The following ASTN2 variants were observed in gnomAD, a reference collection of about 807,000 sequenced individuals.
The protein encoded by ASTN2 is astrotactin 2.
In ASTN2, 54 loss-of-function variants were observed where a neutral mutation model predicts 139.8. The ratio of observed to expected loss-of-function variants is 0.39; its 90% CI spans 0.31 to 0.48. The LOEUF (loss-of-function observed/expected upper bound fraction) is 0.48, where lower values mean the gene tolerates loss of function less well. Ranked by LOEUF, ASTN2 falls within the 20% of genes least tolerant of loss-of-function variation. ASTN2 has a pLI of 0.95. For missense variants in ASTN2, 1,565 were observed against 1,725.1 expected (o/e 0.91, Z 1.64); for synonymous variants, 756 against 719.5 (o/e 1.05, Z -0.81).
intron 13 of ASTN2, among the ~76,000 whole-genome samples, chr9:116,751,266 C>T (rs1173880961): frequency 6.6e-6 from 1 of 152,168 alleles, no homozygotes; most frequent in African/African-American, 2.4e-5. Flanking sequence ...GTAAAAGGAA[C>T]AATAACTATA....
chr9:116,609,108 C>A (rs147914087), intron 19 of ASTN2, among the ~76,000 whole-genome samples: 228 of 151,834 alleles, frequency 1.5e-3, no homozygotes, highest in Non-Finnish European at 2.7e-3. Context: ...CTTAAAGTGA[C>A]TGAATATACA....
At position 116,976,681 on chromosome 9, in the gene ASTN2, T is replaced by C. The variant is rs752428797; in HGVS notation, c.1676+20A>G. The C allele has an allele frequency of 6.8e-6, 11 of 1,612,964 alleles. No homozygotes were observed. Among genetic ancestry groups the C allele is most frequent in the Non-Finnish European group, 9.3e-6 (11 of 1,179,032 alleles). ...AGTGGGTCCTGCACTGTCCTGGACC[T>C]GATGCCCTTTGCCACTCACCCTTCA... is the stretch of plus-strand genomic sequence containing the variant. On this transcript the variant is annotated intron_variant, in intron 8 of 22. Coordinates refer to ENST00000313400, the MANE Select transcript of ASTN2 (RefSeq NM_001365068.1).
At chr9:117,403,215 A>G (rs978664120) in intron 1 of ASTN2, among the ~76,000 whole-genome samples, 2 of 152,194 alleles carry the variant, frequency 1.3e-5, no homozygotes, top group African/African-American at 4.8e-5. Flanking sequence ...TAACTTGAGG[A>G]AAGCCTGGGT....
rs1448974459 is a variant in ASTN2 at position 116,423,891 on chromosome 9, G to T, written c.*1960C>A. Among the ~76,000 whole-genome samples, 1 of 152,088 alleles carries T rather than the reference G, an allele frequency of 6.6e-6. No homozygotes were observed. The highest frequency in any genetic ancestry group is 6.5e-5 in the Admixed American group (1 of 15,272). Reference sequence around the variant, plus strand: ...TTTGCCAAATTGAGAAGTAGGCATGGTTTTTTTCTTTTTTACTCACCACTA... The same window carrying T: ...TTTGCCAAATTGAGAAGTAGGCATGTTTTTTTTCTTTTTTACTCACCACTA... On this transcript the variant is annotated 3_prime_UTR_variant, in exon 23 of 23. Coordinates refer to ENST00000313400, the MANE Select transcript of ASTN2 (RefSeq NM_001365068.1).
intron 19 of ASTN2, among the ~76,000 whole-genome samples, chr9:116,537,282 C>A (rs984565235): frequency 6.6e-6 from 1 of 152,140 alleles, no homozygotes; most frequent in Non-Finnish European, 1.5e-5. Context: ...TCTTGGAACC[C>A]AAATTTCTAT....
intron 11 of ASTN2, among the ~76,000 whole-genome samples, chr9:116,849,473 C>T (rs1832530900): frequency 6.6e-6 from 1 of 152,096 alleles, no homozygotes; most frequent in Admixed American, 6.5e-5. Context: ...AAGTTATATG[C>T]CCAGAAACAG....
chr9:116,682,094 C>CA (rs921225085), intron 16 of ASTN2, among the ~76,000 whole-genome samples: 1 of 151,678 alleles, frequency 6.6e-6, no homozygotes, highest in African/African-American at 2.4e-5. Flanking sequence ...AGGCAACCTA[C>CA]AAAATGGGAG....
intron 21 of ASTN2, among the ~76,000 whole-genome samples, chr9:116,441,501 A>G (rs1847838741): frequency 6.6e-6 from 1 of 151,870 alleles, no homozygotes; most frequent in Admixed American, 6.6e-5. Flanking sequence ...TTCTACTCTG[A>G]TTTTTATTTG....
intron 19 of ASTN2, among the ~76,000 whole-genome samples, chr9:116,487,816 T>A (rs955004555): frequency 6.6e-6 from 1 of 152,152 alleles, no homozygotes; most frequent in African/African-American, 2.4e-5. Context: ...TATGCTTTTT[T>A]TTTTCTGTAA....
chr9:116,684,101 G>A (rs909451178), intron 16 of ASTN2, among the ~76,000 whole-genome samples: 1 of 152,160 alleles, frequency 6.6e-6, no homozygotes, highest in African/African-American at 2.4e-5. Context: ...CTTGAGAAGA[G>A]AGGAATTTAC....
At chr9:116,700,999 G>C (rs932164189) in intron 16 of ASTN2, 2 of 167,082 alleles carry the variant, frequency 1.2e-5, no homozygotes, top group Non-Finnish European at 2.9e-5. Context: ...AGCTTCTGCT[G>C]TATGTTTTAT....
intron 12 of ASTN2, among the ~76,000 whole-genome samples, chr9:116,814,205 T>A (rs1289921094): frequency 6.6e-6 from 1 of 152,118 alleles, no homozygotes; most frequent in East Asian, 1.9e-4. Context: ...TGCAGAAACC[T>A]GTGAAAACCC....
chr9:117,309,279 C>T (rs1366732814), intron 1 of ASTN2, among the ~76,000 whole-genome samples: 1 of 152,220 alleles, frequency 6.6e-6, no homozygotes, highest in Non-Finnish European at 1.5e-5. Context: ...GCTGCATCTA[C>T]TACTTATGGT....
intron 20 of ASTN2, among the ~76,000 whole-genome samples, chr9:116,481,624 T>C (rs762410819): frequency 1.3e-5 from 2 of 152,110 alleles, no homozygotes; most frequent in Admixed American, 1.3e-4. Flanking sequence ...CTTATGAAAA[T>C]GTTGAAGTGA....
chr9:116,468,012 G>A (rs1848702854), intron 20 of ASTN2, among the ~76,000 whole-genome samples: 1 of 152,132 alleles, frequency 6.6e-6, no homozygotes, highest in Admixed American at 6.5e-5. Context: ...TCCAGGCTCT[G>A]GGAAAGACCC....
intron 5 of ASTN2, among the ~76,000 whole-genome samples, chr9:117,063,048 G>A (rs1329100916): frequency 6.6e-6 from 1 of 152,154 alleles, no homozygotes; most frequent in Non-Finnish European, 1.5e-5. Context: ...CTTACTTCAA[G>A]TGCATTCCAG....
chr9:117,010,255 C>T (rs1013366071), intron 6 of ASTN2, among the ~76,000 whole-genome samples: 3 of 152,040 alleles, frequency 2.0e-5, no homozygotes, highest in Non-Finnish European at 2.9e-5. Context: ...AGCCATATTT[C>T]CCCCCTGGAA....
At chr9:116,526,935 C>A (rs1851119618) in intron 19 of ASTN2, among the ~76,000 whole-genome samples, 1 of 152,138 alleles carries the variant, frequency 6.6e-6, no homozygotes, top group Non-Finnish European at 1.5e-5. Flanking sequence ...GCCAAGAATA[C>A]ACAACAGAGA....
chr9:116,734,788 AC>A (rs1169369952), intron 13 of ASTN2, among the ~76,000 whole-genome samples: 1 of 152,130 alleles, frequency 6.6e-6, no homozygotes, highest in Admixed American at 6.5e-5. Flanking sequence ...TGTCTGCTCA[AC>A]ATCTCTGCAC....
Sources: allele counts gnomAD v4.1 joint callset (sites outside exome capture counted in the v4.1 genomes callset), GRCh38; gene constraint gnomAD v4.1.1; transcripts MANE v1.5; gene names NCBI Gene and HGNC (gene_info 2026-07-23, HGNC 2026-07-21).